SORCS2: variants seen among roughly 807,000 people sequenced by gnomAD.
The protein encoded by SORCS2 is VPS10 domain-containing receptor SorCS2.
SORCS2 carries 100 observed loss-of-function variants against 141.6 expected under a neutral mutation model. That is an observed-to-expected ratio of 0.71 (90% CI 0.60 to 0.83). The LOEUF (loss-of-function observed/expected upper bound fraction) is 0.83, where lower values mean the gene tolerates loss of function less well. Among genes scored for constraint, SORCS2 ranks in the 40% least tolerant of loss-of-function variants. The pLI, the probability that SORCS2 is intolerant of heterozygous loss-of-function variation, is 0.00. For synonymous variants in SORCS2, 789 were observed against 676.9 expected, an observed-to-expected ratio of 1.17 and a Z score of -2.57; for missense variants, 1,646 against 1,560.2, an observed-to-expected ratio of 1.05 and a Z score of -0.93.
At chr4:7,597,270 G>A (rs1432178561) in intron 3 of SORCS2, among the ~76,000 whole-genome samples, 1 of 150,366 alleles carries the variant, frequency 6.7e-6, no homozygotes, top group Non-Finnish European at 1.5e-5. Flanking sequence ...GAGGGACTAC[G>A]CAATAGAGGA....
intron 3 of SORCS2, among the ~76,000 whole-genome samples, chr4:7,601,982 T>TG (rs1055934927): frequency 6.6e-6 from 1 of 152,178 alleles, no homozygotes; most frequent in African/African-American, 2.4e-5. Context: ...AGCACGGGGT[T>TG]GGGGGTAAGG....
intron 2 of SORCS2, among the ~76,000 whole-genome samples, chr4:7,479,263 A>G (rs1730484778): frequency 1.3e-5 from 2 of 151,746 alleles, no homozygotes; most frequent in Non-Finnish European, 2.9e-5. Flanking sequence ...TAACCAGGGA[A>G]GCTCAGCTGA....
chr4:7,366,929 C>T (rs1721934715), intron 1 of SORCS2, among the ~76,000 whole-genome samples: 1 of 152,196 alleles, frequency 6.6e-6, no homozygotes, highest in East Asian at 1.9e-4. Flanking sequence ...GTACTGAGTG[C>T]CTACGCCTGA....
chr4:7,250,108 G>A (rs1007439722), intron 1 of SORCS2, among the ~76,000 whole-genome samples: 1 of 152,186 alleles, frequency 6.6e-6, no homozygotes, highest in African/African-American at 2.4e-5. Context: ...CAGGTGTGGT[G>A]GCATGCACCT....
intron 1 of SORCS2, among the ~76,000 whole-genome samples, chr4:7,306,369 G>A (rs556632512): frequency 6.6e-6 from 1 of 152,210 alleles, no homozygotes; most frequent in Admixed American, 6.5e-5. Flanking sequence ...GGTGGGGGTG[G>A]GTGTGTAGCA....
intron 3 of SORCS2, among the ~76,000 whole-genome samples, chr4:7,543,507 CCA>C (rs1712877111): frequency 6.7e-6 from 1 of 148,604 alleles, no homozygotes; most frequent in African/African-American, 2.5e-5. Context: ...ATCCATCCAT[CCA>C]TCCATCCATC....
At chr4:7,598,126 G>T (rs1317963689) in intron 3 of SORCS2, among the ~76,000 whole-genome samples, 1 of 152,056 alleles carries the variant, frequency 6.6e-6, no homozygotes, top group Non-Finnish European at 1.5e-5. Context: ...AAGCCACCCT[G>T]CCCGGCTAAT....
At chr4:7,455,503 GCTCCGTGTTGGGGTCAGC>G (rs1351381203) in intron 2 of SORCS2, among the ~76,000 whole-genome samples, 4 of 146,432 alleles carry the variant, frequency 2.7e-5, no homozygotes, top group East Asian at 4.2e-4. Flanking sequence ...TTGGGGTCAG[GCTCCGTGTTGGGGTCAGC>G]CTCCGTGTTA....
chr4:7,307,618 A>G (rs1020323566), intron 1 of SORCS2, among the ~76,000 whole-genome samples: 5 of 152,204 alleles, frequency 3.3e-5, no homozygotes, highest in African/African-American at 1.2e-4. Context: ...TGAGGTCATC[A>G]TTTCTGGCAT....
intron 2 of SORCS2, chr4:7,433,097 T>C: frequency 2.4e-6 from 1 of 414,924 alleles, no homozygotes; most frequent in Non-Finnish European, 4.1e-6. Context: ...CATGAGTGTG[T>C]TCCGGTCCAG....
Position 7,302,767 on chromosome 4 carries a change from A to ATGTG in SORCS2, c.481-93520_481-93519insGTGT, listed in dbSNP as rs753375857. On this transcript the variant is annotated intron_variant, in intron 1 of 26. Coordinates refer to ENST00000507866, the MANE Select transcript of SORCS2 (RefSeq NM_020777.3). ...GTCCGGCATCTAGTAGACAGTCCAC[A>ATGTG]TATGTGTGTGTGTGTGTGTGTGCGC... Among the ~76,000 whole-genome samples, 515 of 101,698 alleles carry ATGTG rather than the reference A, an allele frequency of 5.1e-3. 2 individuals carry two copies. The highest frequency in any genetic ancestry group is 0.013 in the African/African-American group (428 of 32,160). The allele number at this position is 101,698 out of a possible 152,430, so 66.7% of individuals were successfully genotyped here.
Position 7,648,691 on chromosome 4 carries a change from G to C in SORCS2, c.814-5443G>C, listed in dbSNP as rs2108887093. On this transcript the variant is annotated intron_variant, in intron 4 of 26. Transcript: ENST00000507866. This position sits in a 1 kb window ranked among gnomAD's most constrained non-coding sequence, Gnocchi z 4.2. ...AAGCGGCTTGGCCTCTGCATGGTTG[G>C]AGAGCTCAGAATGTGAGCTTGGACC... Among the ~76,000 whole-genome samples, 1 of 152,258 alleles carries C rather than the reference G, an allele frequency of 6.6e-6. No individual in the cohort carries two copies. The highest frequency in any genetic ancestry group is 2.1e-4 in the South Asian group (1 of 4,822).
At chr4:7,641,587 T>C (rs1720729645) in intron 4 of SORCS2, among the ~76,000 whole-genome samples, 1 of 152,228 alleles carries the variant, frequency 6.6e-6, no homozygotes, top group Non-Finnish European at 1.5e-5. Context: ...ACCCAATACA[T>C]GCAATTGGGG....
chr4:7,315,184 C>T (rs6843614), intron 1 of SORCS2, among the ~76,000 whole-genome samples: 33,731 of 152,122 alleles, frequency 0.22, 4,503 homozygotes, highest in South Asian at 0.44. Flanking sequence ...GAGCCCTGAG[C>T]TTCGAGTGAG....
chr4:7,489,348 C>T (rs908859632), intron 2 of SORCS2, among the ~76,000 whole-genome samples: 8 of 152,340 alleles, frequency 5.3e-5, no homozygotes, highest in East Asian at 3.9e-4. Flanking sequence ...GCTGCGTCGT[C>T]GCTGGTGCCT....
chr4:7,523,793 TG>T (rs1264612183), intron 2 of SORCS2, among the ~76,000 whole-genome samples: 12 of 152,180 alleles, frequency 7.9e-5, no homozygotes, highest in Non-Finnish European at 1.6e-4. Flanking sequence ...AGCCCGTCAC[TG>T]GGGGTCACAC....
chr4:7,568,462 G>A (rs1348615039), intron 3 of SORCS2, among the ~76,000 whole-genome samples: 1 of 152,170 alleles, frequency 6.6e-6, no homozygotes, highest in Non-Finnish European at 1.5e-5. Flanking sequence ...CACTTGCGAT[G>A]TGCTACATAC....
At chr4:7,302,509 C>T (rs1259469337) in intron 1 of SORCS2, among the ~76,000 whole-genome samples, 6 of 152,326 alleles carry the variant, frequency 3.9e-5, no homozygotes, top group Non-Finnish European at 7.3e-5. Context: ...GGGAGCTGCA[C>T]GGTCCCCACT....
chr4:7,492,479 G>T (rs1002720051), intron 2 of SORCS2, among the ~76,000 whole-genome samples: 2 of 152,216 alleles, frequency 1.3e-5, no homozygotes, highest in Non-Finnish European at 2.9e-5. Context: ...ATCATCTGTT[G>T]GTGATCCCCA....
Sources: allele counts gnomAD v4.1 joint callset (sites outside exome capture counted in the v4.1 genomes callset), GRCh38; gene constraint gnomAD v4.1.1; non-coding constraint Gnocchi (gnomAD v3.1); transcripts MANE v1.5; gene names NCBI Gene and HGNC (gene_info 2026-07-23, HGNC 2026-07-21).